Variants in DNAH1 observed in about 807,000 individuals in gnomAD.
The protein encoded by DNAH1 is dynein axonemal heavy chain 1.
A neutral mutation model predicts 484.3 loss-of-function variants in DNAH1; 327 were observed. That is an observed-to-expected ratio of 0.68 (90% CI 0.62 to 0.74). DNAH1 has a LOEUF of 0.74. Among genes scored for constraint, DNAH1 ranks in the 30% least tolerant of loss-of-function variants. The pLI is 0.00. For synonymous variants in DNAH1, 2,192 were observed against 2,191.9 expected, an observed-to-expected ratio of 1.00 and a Z score of 0.00; for missense variants, 5,052 against 5,546.8, an observed-to-expected ratio of 0.91 and a Z score of 2.83.
intron 32 of DNAH1, 143 bp downstream of exon 32, chr3:52,363,287 T>C (rs1578144990): frequency 1.8e-6 from 2 of 1,140,882 alleles, no homozygotes; most frequent in East Asian, 2.5e-5. Flanking sequence ...CCCTTGGAGA[T>C]AGGAGTTACA....
intron 56 of DNAH1, 101 bp from the exon 57 acceptor site, chr3:52,388,066 T>G: frequency 6.8e-7 from 1 of 1,462,720 alleles, no homozygotes; most frequent in African/African-American, 1.4e-5. Context: ...GCACAGGGCA[T>G]AAAAGCCAGG....
Position 52,394,484 on chromosome 3 carries a change from T to G in DNAH1, c.10646T>G (p.Leu3549Arg). Residue 3549 changes from leucine to arginine, a missense_variant, in exon 67 of 78, where the codon CTG becomes CGG. Around this residue, in one of 4 missense-constraint regions of DNAH1, gnomAD observed 2,929 missense variants for 3,409.4 expected, o/e 0.86. Coordinates refer to ENST00000420323, the MANE Select transcript of DNAH1 (RefSeq NM_015512.5). ...TGCCAGAGTGAGTGGCGATACCTCC[T>G]GTCTGGGGGCTCCATCTCGATCATG... The part of the protein sequence containing the change: ...KINQSEWRYL[L>R]SGGSISIMTE... 1.2e-6 allele frequency: 2 copies of G among 1,613,982 alleles called. No homozygotes were observed. The highest frequency in any genetic ancestry group is 1.7e-6 in the Non-Finnish European group (2 of 1,179,864).
At position 52,360,299 on chromosome 3, in the gene DNAH1, C is replaced by G; in HGVS notation, c.4572-12C>G. 6.2e-7 allele frequency: 1 copy of G among 1,609,768 alleles called. No homozygotes were observed. Among genetic ancestry groups the G allele is most frequent in the Non-Finnish European group, 8.5e-7 (1 of 1,176,636 alleles). ...GCCCCATGGCCAGGCCCTCATCTCCCTGCACCGCCAGGTACTACTGGACAA... is the reference window on the plus strand; with the variant it reads ...GCCCCATGGCCAGGCCCTCATCTCCGTGCACCGCCAGGTACTACTGGACAA... On this transcript the variant is annotated splice_polypyrimidine_tract_variant and intron_variant, in intron 27 of 77. Transcript: ENST00000420323.
chr3:52,334,654 G>C (rs563999578), intron 8 of DNAH1, among the ~76,000 whole-genome samples: 1 of 151,980 alleles, frequency 6.6e-6, no homozygotes, highest in Non-Finnish European at 1.5e-5. Context: ...TTAGCTGAGC[G>C]TGGTGGCACA....
chr3:52,313,830 T>A (rs1559477675), upstream of DNAH1, among the ~76,000 whole-genome samples: 2 of 152,188 alleles, frequency 1.3e-5, no homozygotes, highest in East Asian at 1.9e-4. Context: ...CTCACACCAC[T>A]CTGTACTGAT....
In DNAH1 at chr3:52,353,678, C is replaced by T. The variant is rs766702616; in HGVS notation, c.3480+45C>T. The T allele has an allele frequency of 8.2e-5, 127 of 1,553,276 alleles. No homozygotes were observed. In the East Asian group the frequency reaches 2.0e-3, roughly 25 times the overall value. On this transcript the variant is annotated intron_variant, in intron 20 of 77. Transcript: ENST00000420323. This position sits in a 1 kb window ranked among gnomAD's most constrained non-coding sequence, Gnocchi z 5.0. The stretch of plus-strand genomic sequence containing the variant: ...CCCAGCCACTCCAGCCAGGCCCTGC[C>T]GGACAGCCTGACCTCCTGCTCTGGC...
At chr3:52,375,727 T>A (rs1178775270) in intron 45 of DNAH1, among the ~76,000 whole-genome samples, 1 of 152,188 alleles carries the variant, frequency 6.6e-6, no homozygotes, top group Non-Finnish European at 1.5e-5. Flanking sequence ...CTCACATACA[T>A]ACATACGTAT....
Position 52,355,645 on chromosome 3 carries a change from AC to A in DNAH1, c.3693+592del, listed in dbSNP as rs969854241. ...GGGCCTCCCTGATAGCTGCTCAGAG[AC>A]CTCCGGCGAAGGCCAGAAGCAGGTG... On this transcript the variant is annotated intron_variant, in intron 21 of 77. Transcript: ENST00000420323. The surrounding 1 kb of genome is among the most constrained non-coding windows in gnomAD (Gnocchi z 4.5). Among the ~76,000 whole-genome samples the A allele has an allele frequency of 6.6e-6, 1 of 151,958 alleles. No individual in the cohort carries two copies. The highest frequency in any genetic ancestry group is 1.5e-5 in the Non-Finnish European group (1 of 67,972).
chr3:52,333,156 G>C (rs55813842), intron 8 of DNAH1, among the ~76,000 whole-genome samples: 17,706 of 152,218 alleles, frequency 0.12, 1,146 homozygotes, highest in African/African-American at 0.15. Flanking sequence ...AAAGTGCTGG[G>C]ATTATAGGCA....
At chr3:52,378,432 A>G (rs1177751300) in intron 46 of DNAH1, among the ~76,000 whole-genome samples, 170 bp from the exon 47 acceptor site, 1 of 149,474 alleles carries the variant, frequency 6.7e-6, no homozygotes, top group Non-Finnish European at 1.5e-5. Context: ...ACCTCCCCCA[A>G]GCTGGGGGCA....
Position 52,361,227 on chromosome 3 carries a change from T to C in DNAH1, c.4749T>C (p.Ala1583=). The change falls in exon 29 of 78, where the codon GCT becomes GCC. Residue 1583 remains alanine (A), a synonymous_variant. Transcript: ENST00000420323. The surrounding 1 kb of genome is among the most constrained non-coding windows in gnomAD (Gnocchi z 5.6). ...TTGGGGGTGCCCCAGCTGGCCCAGC[T>C]GGCACAGGCAAAACTGAGACCACCA... is the stretch of plus-strand genomic sequence containing the variant. ...LKFGGAPAGP[A]GTGKTETTKD... The C allele has an allele frequency of 1.2e-6, 2 of 1,612,880 alleles. No homozygotes were observed.
At chr3:52,371,913 C>T (rs1335364871) in intron 41 of DNAH1, 33 bp from the exon 42 acceptor site, 1 of 1,608,010 alleles carries the variant, frequency 6.2e-7, no homozygotes, top group East Asian at 2.2e-5. Flanking sequence ...GGGAGGGGTT[C>T]CAGGCCCACT....
In DNAH1 at chr3:52,323,720, G is replaced by A. The variant is rs1258753728; in HGVS notation, c.334-88G>A. The A allele has an allele frequency of 3.8e-5, 40 of 1,039,028 alleles. No homozygotes were observed. In the Admixed American group the frequency reaches 8.7e-4, roughly 23 times the overall value. 64.4% of individuals were successfully genotyped at this position (1,039,028 alleles called of 1,614,324 possible). A position where few individuals can be genotyped will look rare whatever the true frequency, so the allele number is the denominator to read the frequency against. ...TGGAGTGCTCCCTGGTGGGTCTCAA[G>A]GGAGGCGCCTGGGCTCGGGGTCCCT... On this transcript the variant is annotated intron_variant, in intron 2 of 77. Transcript: ENST00000420323.
Position 52,368,805 on chromosome 3 carries a change from T to C in DNAH1, c.5830T>C (p.Trp1944Arg). 1 of 1,613,870 alleles carries C rather than the reference T, an allele frequency of 6.2e-7. No individual in the cohort carries two copies. Among genetic ancestry groups the C allele is most frequent in the Non-Finnish European group, 8.5e-7 (1 of 1,179,836 alleles). The change falls in exon 37 of 78, where the codon TGG (tryptophan) becomes CGG (arginine). Residue 1944 changes from tryptophan (W) to arginine (R), a missense_variant. Transcript: ENST00000420323. This position sits in a 1 kb window ranked among gnomAD's most constrained non-coding sequence, Gnocchi z 4.4. ...CATCACCTCCGACACCAACAAGAAG[T>C]GGTACATGTTCGATGGGCCGGTGGA... ...GAITSDTNKK[W>R]YMFDGPVDAI... is the part of the protein sequence containing the mutation.
chr3:52,318,210 C>G (rs1035651735), intron 1 of DNAH1, among the ~76,000 whole-genome samples: 3 of 152,214 alleles, frequency 2.0e-5, no homozygotes, highest in Non-Finnish European at 2.9e-5. Context: ...CGCCATCATG[C>G]CGGCTAATTT....
At chr3:52,399,429 G>A (rs1457790747) in intron 76 of DNAH1, 116 bp from the exon 77 acceptor site, 6 of 1,024,630 alleles carry the variant, frequency 5.9e-6, no homozygotes, top group East Asian at 2.6e-5. Flanking sequence ...TGGTAGGTAC[G>A]TGATGATGGG....
At chr3:52,376,133 C>A in intron 46 of DNAH1, 140 bp downstream of exon 46, 1 of 1,062,710 alleles carries the variant, frequency 9.4e-7, no homozygotes, top group Non-Finnish European at 1.3e-6. Context: ...ACTAGGGTGC[C>A]AGAGCGAAGG....
At chr3:52,324,484 C>T (rs1272187252) in intron 3 of DNAH1, among the ~76,000 whole-genome samples, 1 of 152,030 alleles carries the variant, frequency 6.6e-6, no homozygotes, top group Non-Finnish European at 1.5e-5. Context: ...TCCCACCTGG[C>T]CAGGGTTTGT....
In DNAH1 at chr3:52,366,450, C is replaced by T. The variant is rs376029097; in HGVS notation, c.5519-7C>T. ...CTGACCCTTGGGCCCCATGCCATGT[C>T]CCCCAGGCTTCCTGACAAAGTGCAT... On this transcript the variant is annotated splice_region_variant and splice_polypyrimidine_tract_variant and intron_variant, in intron 34 of 77. Coordinates refer to ENST00000420323, the MANE Select transcript of DNAH1 (RefSeq NM_015512.5). 5 of 1,585,152 alleles carry T rather than the reference C, an allele frequency of 3.2e-6. No individual in the cohort carries two copies. In the African/African-American group the frequency reaches 6.8e-5, roughly 21 times the overall value.
Sources: allele counts gnomAD v4.1 joint callset (sites outside exome capture counted in the v4.1 genomes callset), GRCh38; gene constraint gnomAD v4.1.1; regional missense constraint gnomAD v4.1.1; non-coding constraint Gnocchi (gnomAD v3.1); transcripts MANE v1.5; gene names NCBI Gene and HGNC (gene_info 2026-07-23, HGNC 2026-07-21).